The following NUP210L variants were observed in gnomAD, a reference collection of about 807,000 sequenced individuals.
NUP210L encodes the protein nucleoporin 210 like.
Under a neutral mutation model 208.5 loss-of-function variants are expected in NUP210L, and 74 were observed. The ratio of observed to expected loss-of-function variants is 0.35; its 90% CI spans 0.29 to 0.43. The LOEUF is 0.43. Among genes scored for constraint, NUP210L ranks in the 20% least tolerant of loss-of-function variants. The pLI, the probability that NUP210L is intolerant of heterozygous loss-of-function variation, is 1.00. For synonymous variants in NUP210L, 780 were observed against 816.9 expected (o/e 0.95, Z 0.77); for missense variants, 1,843 against 2,289.4 (o/e 0.81, Z 3.98).
intron 13 of NUP210L, among the ~76,000 whole-genome samples, chr1:154,100,576 T>C (rs1236081909): frequency 7.5e-6 from 1 of 132,708 alleles, no homozygotes; most frequent in Non-Finnish European, 1.5e-5. Context: ...TGGAGTGCAA[T>C]GGTGCAATCT....
chr1:154,117,727 T>C (rs776094319), exon 12 of NUP210L: 1 of 1,608,878 alleles, frequency 6.2e-7, no homozygotes, highest in South Asian at 1.1e-5. Flanking sequence ...TCGTTTACCT[T>C]AATTTCTCCA....
intron 35 of NUP210L, among the ~76,000 whole-genome samples, chr1:154,002,286 G>A (rs1211090563): frequency 6.6e-6 from 1 of 151,996 alleles, no homozygotes; most frequent in Non-Finnish European, 1.5e-5. Flanking sequence ...CGTGATCATG[G>A]CATTCTGCAG....
intron 33 of NUP210L, among the ~76,000 whole-genome samples, chr1:154,012,952 G>T (rs1651015090): frequency 7.0e-6 from 1 of 143,264 alleles, no homozygotes; most frequent in South Asian, 2.2e-4. Flanking sequence ...GTTGCAGTGA[G>T]CCGACATTGC....
intron 37 of NUP210L, among the ~76,000 whole-genome samples, chr1:153,997,742 G>A (rs1649980442): frequency 1.4e-5 from 2 of 147,784 alleles, no homozygotes; most frequent in Admixed American, 1.4e-4. Flanking sequence ...CTAGGCTGGA[G>A]TGCAGTGGTG....
At chr1:154,004,838 T>TTTTC (rs1463318015) in intron 35 of NUP210L, among the ~76,000 whole-genome samples, 3 of 145,704 alleles carry the variant, frequency 2.1e-5, no homozygotes, top group African/African-American at 7.4e-5. Flanking sequence ...TTTTCTTTTC[T>TTTTC]TTTCTTTCTT....
Position 154,001,717 on chromosome 1 carries a change from G to A in NUP210L, c.5181+18C>T. 1 of 1,611,280 alleles carries A rather than the reference G, an allele frequency of 6.2e-7. No individual in the cohort carries two copies. Among genetic ancestry groups the A allele is most frequent in the Non-Finnish European group, 8.5e-7 (1 of 1,177,730 alleles). ...ATTCCTGATCTCTTGTTCTGTTTTG[G>A]TTCAGTTCTTAACATACCTCTAGCT... On this transcript the variant is annotated intron_variant, in intron 36 of 39. Transcript: ENST00000368559.
intron 9 of NUP210L, 101 bp from the exon 10 acceptor site, chr1:154,126,564 G>GCTTTATAAAGCTAT: frequency 1.0e-6 from 1 of 990,824 alleles, no homozygotes; most frequent in Non-Finnish European, 1.4e-6. Flanking sequence ...ATGCATTCAT[G>GCTTTATAAAGCTAT]GAATAAAGAG....
chr1:154,094,099 T>G (rs1486788517), intron 15 of NUP210L, among the ~76,000 whole-genome samples: 1 of 152,048 alleles, frequency 6.6e-6, no homozygotes, highest in Non-Finnish European at 1.5e-5. Context: ...CTGACCAACA[T>G]GGTAAAACCC....
At chr1:154,068,483 C>T (rs1174118118) in intron 17 of NUP210L, among the ~76,000 whole-genome samples, 1 of 152,040 alleles carries the variant, frequency 6.6e-6, no homozygotes, top group Admixed American at 6.6e-5. Context: ...AGATCAAGAC[C>T]ATCCTGGCTA....
At chr1:153,994,966 T>G (rs2147875401) in intron 38 of NUP210L, 110 bp downstream of exon 38, 1 of 620,114 alleles carries the variant, frequency 1.6e-6, no homozygotes, top group East Asian at 3.1e-5. Flanking sequence ...AAGCCAAGAT[T>G]GCGCCACTGC....
chr1:153,992,837 A>G, exon 40 of NUP210L: 1 of 1,598,318 alleles, frequency 6.3e-7, no homozygotes, highest in Non-Finnish European at 8.5e-7. Context: ...AGCAGAGGTT[A>G]GTGCCTTATA....
At chr1:154,132,994 C>CA (rs1368259252) in intron 7 of NUP210L, among the ~76,000 whole-genome samples, 1 of 152,216 alleles carries the variant, frequency 6.6e-6, no homozygotes, top group African/African-American at 2.4e-5. Context: ...ACGCTATAGA[C>CA]AGTGTGCCCA....
chr1:154,142,718 C>A (rs1036889900), intron 3 of NUP210L, among the ~76,000 whole-genome samples: 6 of 151,656 alleles, frequency 4.0e-5, no homozygotes, highest in Non-Finnish European at 1.5e-5. Context: ...TGGTGAAACC[C>A]GTCTCTATTA....
chr1:154,073,451 A>ATG (rs1654867530), intron 16 of NUP210L, among the ~76,000 whole-genome samples: 1 of 152,072 alleles, frequency 6.6e-6, no homozygotes, highest in South Asian at 2.1e-4. Context: ...GCTTGAGCCC[A>ATG]AGTTCAAGGT....
In NUP210L at chr1:154,010,005, A is replaced by G. The variant is rs1650810788; in HGVS notation, c.4897T>C (p.Phe1633Leu). The change falls in exon 35 of 40, where the codon TTT (phenylalanine) becomes CTT (leucine). Residue 1633 changes from phenylalanine to leucine, a missense_variant. Phe to Leu is a conservative substitution (Grantham distance 22). Transcript: ENST00000368559. ...ATACTGAAATCTGAATGGACCTGAA[A>G]GACTTTACTTGCTGGAATGTCTAGC... 6.8e-6 allele frequency: 11 copies of G among 1,613,286 alleles called. No individual in the cohort carries two copies. The East Asian group carries it at 2.5e-4, about 36-fold the overall frequency.
chr1:154,051,281 C>T (rs1653484657), intron 25 of NUP210L, among the ~76,000 whole-genome samples: 1 of 152,084 alleles, frequency 6.6e-6, no homozygotes. Flanking sequence ...GTGATCTTGG[C>T]TCACTGTAAG....
intron 2 of NUP210L, among the ~76,000 whole-genome samples, chr1:154,151,804 G>A (rs1335625820): frequency 6.6e-6 from 1 of 151,972 alleles, no homozygotes; most frequent in Non-Finnish European, 1.5e-5. Context: ...AAGAGAAAAT[G>A]CTGTCCGGGC....
intron 37 of NUP210L, among the ~76,000 whole-genome samples, chr1:153,999,119 A>G (rs989369601): frequency 2.0e-5 from 3 of 152,168 alleles, no homozygotes; most frequent in Non-Finnish European, 4.4e-5. Context: ...TACAAACCAG[A>G]TGCTCACGTA....
chr1:153,993,759 G>A (rs965546548), intron 38 of NUP210L, among the ~76,000 whole-genome samples: 2 of 152,068 alleles, frequency 1.3e-5, no homozygotes, highest in East Asian at 3.9e-4. Flanking sequence ...TTAGACAGGT[G>A]TGGTGGCGGG....
Sources: allele counts gnomAD v4.1 joint callset (sites outside exome capture counted in the v4.1 genomes callset), GRCh38; gene constraint gnomAD v4.1.1; transcripts MANE v1.5; gene names NCBI Gene and HGNC (gene_info 2026-07-23, HGNC 2026-07-21).